Variants in RAF1 observed in about 807,000 individuals in gnomAD.
RAF1 encodes RAF proto-oncogene serine/threonine-protein kinase.
RAF1 carries 27 observed loss-of-function variants against 81.1 expected under a neutral mutation model. The observed-to-expected ratio is 0.33, with a 90% CI of 0.25 to 0.46. The LOEUF (loss-of-function observed/expected upper bound fraction) is 0.46, where lower values mean the gene tolerates loss of function less well. Ranked by LOEUF, RAF1 falls within the 20% of genes least tolerant of loss-of-function variation. RAF1 has a pLI of 1.00. For missense variants in RAF1, 598 were observed against 826.0 expected, an observed-to-expected ratio of 0.72 and a Z score of 3.38; for synonymous variants, 298 against 294.0, an observed-to-expected ratio of 1.01 and a Z score of -0.14.
At chr3:12,587,272 G>T (rs866615281) in intron 14 of RAF1, 1 of 364,656 alleles carries the variant, frequency 2.7e-6, no homozygotes, top group Non-Finnish European at 5.0e-6. Flanking sequence ...CCCAATCCCC[G>T]TCAGGTTACA....
At chr3:12,653,509 G>A (rs116648171) in intron 1 of RAF1, among the ~76,000 whole-genome samples, 2,904 of 152,140 alleles carry the variant, frequency 0.019, 91 homozygotes, top group African/African-American at 0.066. Context: ...ACTTTGGGAG[G>A]CCGAGCTGGT....
At chr3:12,643,661 G>A (rs996753190) in intron 1 of RAF1, among the ~76,000 whole-genome samples, 7 of 151,770 alleles carry the variant, frequency 4.6e-5, no homozygotes, top group African/African-American at 1.2e-4. Context: ...GCTTGAACCC[G>A]GAAGGCAGAG....
intron 2 of RAF1, among the ~76,000 whole-genome samples, chr3:12,612,888 G>A (rs1446054303): frequency 6.6e-6 from 1 of 152,106 alleles, no homozygotes; most frequent in East Asian, 1.9e-4. Flanking sequence ...AAACAAACGA[G>A]TTTTTATGAT....
rs1157895995 is a variant in RAF1, at chr3:12,663,752, C to G, written c.-27+61G>C. 2.0e-5 allele frequency: 8 copies of G among 395,644 alleles called. No homozygotes were observed. In the East Asian group the frequency reaches 2.9e-4, roughly 14 times the overall value. 24.5% of individuals were successfully genotyped at this position (395,644 alleles called of 1,614,324 possible). A position where few individuals can be genotyped will look rare whatever the true frequency, so the allele number is the denominator to read the frequency against. On this transcript the variant is annotated intron_variant, in intron 1 of 17. Transcript: ENST00000442415. Reference sequence around the variant, plus strand: ...CACCCAGGCCCGGTCGCCCTGGAAGCCGATCCCTCAGCCCCGCCGCCCGGC... The same window carrying G: ...CACCCAGGCCCGGTCGCCCTGGAAGGCGATCCCTCAGCCCCGCCGCCCGGC...
At chr3:12,631,141 T>A (rs1417889561) in intron 1 of RAF1, among the ~76,000 whole-genome samples, 1 of 152,062 alleles carries the variant, frequency 6.6e-6, no homozygotes, top group Non-Finnish European at 1.5e-5. Flanking sequence ...ATGGCAAAAC[T>A]CAGTCTCTAC....
chr3:12,614,870 A>G (rs2059325626), intron 2 of RAF1, among the ~76,000 whole-genome samples: 1 of 152,224 alleles, frequency 6.6e-6, no homozygotes, highest in Non-Finnish European at 1.5e-5. Context: ...GAGGAAAACA[A>G]AGAGTAATAA....
chr3:12,611,484 TA>T (rs1447380107), intron 3 of RAF1, among the ~76,000 whole-genome samples: 13 of 152,104 alleles, frequency 8.5e-5, no homozygotes, highest in Non-Finnish European at 1.8e-4. Flanking sequence ...TTCCCAGTGT[TA>T]AAATTACGGG....
At chr3:12,643,193 G>C in intron 1 of RAF1, among the ~76,000 whole-genome samples, 1 of 152,076 alleles carries the variant, frequency 6.6e-6, no homozygotes, top group East Asian at 1.9e-4. Flanking sequence ...TCAACCCCCA[G>C]GCTTCAGCAC....
At chr3:12,647,618 C>CA (rs1372443259) in intron 1 of RAF1, among the ~76,000 whole-genome samples, 1 of 151,808 alleles carries the variant, frequency 6.6e-6, no homozygotes, top group Non-Finnish European at 1.5e-5. Flanking sequence ...ACAAACAAAA[C>CA]AAATAAATAA....
intron 3 of RAF1, among the ~76,000 whole-genome samples, chr3:12,609,761 G>A (rs1448017155): frequency 6.6e-6 from 1 of 152,176 alleles, no homozygotes; most frequent in Non-Finnish European, 1.5e-5. Context: ...GATTACAGGT[G>A]TGAACCACCA....
chr3:12,653,311 T>C (rs1423922143), intron 1 of RAF1, among the ~76,000 whole-genome samples: 2 of 152,118 alleles, frequency 1.3e-5, no homozygotes, highest in Non-Finnish European at 2.9e-5. Flanking sequence ...GTACAAACTA[T>C]ATTACTACAG....
chr3:12,614,406 G>A (rs1297808870), intron 2 of RAF1, among the ~76,000 whole-genome samples: 2 of 113,230 alleles, frequency 1.8e-5, no homozygotes, highest in African/African-American at 3.1e-5. Flanking sequence ...TTTTCTCTAC[G>A]TGCGTGCGTG....
At chr3:12,659,833 A>T (rs1468138277) in intron 1 of RAF1, among the ~76,000 whole-genome samples, 5 of 152,180 alleles carry the variant, frequency 3.3e-5, no homozygotes, top group Non-Finnish European at 7.3e-5. Flanking sequence ...TTTGGCTAAC[A>T]AGCTCCTCCC....
chr3:12,587,317 A>C (rs184478153), intron 14 of RAF1: 2 of 516,686 alleles, frequency 3.9e-6, no homozygotes, highest in Non-Finnish European at 6.9e-6. Context: ...TGCCTATTTC[A>C]AGCTTACGGA....
intron 11 of RAF1, chr3:12,592,005 A>T (rs751627278): frequency 2.7e-5 from 16 of 592,806 alleles, no homozygotes; most frequent in Non-Finnish European, 4.9e-5. Flanking sequence ...CTTGACCTCC[A>T]GGGCTTAAGC....
In RAF1 at chr3:12,601,645, A is replaced by G. The variant is rs143147809; in HGVS notation, c.895-1230T>C. Among the ~76,000 whole-genome samples the G allele has an allele frequency of 2.1e-3, 322 of 152,176 alleles. 6 individuals carry two copies. The East Asian group carries it at 0.051, about 24-fold the overall frequency. ...ACTATTACTAGAATGCTCCCACTCA[A>G]TTATATAAAAAGATAAAATTATATA... is the stretch of plus-strand genomic sequence containing the variant. On this transcript the variant is annotated intron_variant, in intron 8 of 17. Coordinates refer to ENST00000442415, the MANE Select transcript of RAF1 (RefSeq NM_001354689.3).
intron 2 of RAF1, among the ~76,000 whole-genome samples, chr3:12,616,442 G>A (rs560507421): frequency 1.3e-5 from 2 of 152,230 alleles, no homozygotes; most frequent in Non-Finnish European, 2.9e-5. Context: ...AAATTACTTT[G>A]CAAATGGAAG....
intron 3 of RAF1, among the ~76,000 whole-genome samples, chr3:12,611,492 C>A (rs1043772472): frequency 1.3e-5 from 2 of 152,144 alleles, no homozygotes; most frequent in African/African-American, 4.8e-5. Flanking sequence ...GTTAAAATTA[C>A]GGGTATTACC....
At chr3:12,646,424 G>C (rs866928893) in intron 1 of RAF1, among the ~76,000 whole-genome samples, 1 of 152,058 alleles carries the variant, frequency 6.6e-6, no homozygotes, top group East Asian at 1.9e-4. Flanking sequence ...ACCCACGCTG[G>C]AGTGCAGTGG....
Sources: gnomAD v4.1 joint callset for allele counts (sites outside exome capture counted in the v4.1 genomes callset) on GRCh38, gnomAD v4.1.1 for gene constraint, MANE v1.5 for transcripts, NCBI Gene and HGNC (gene_info 2026-07-23, HGNC 2026-07-21) for gene names.